The following TMEFF1 variants were observed in gnomAD, a reference collection of about 807,000 sequenced individuals.
TMEFF1 encodes transmembrane protein with EGF like and two follistatin like domains 1, also known as tomoregulin-1.
TMEFF1 carries 20 observed loss-of-function variants against 47.5 expected under a neutral mutation model. That is an observed-to-expected ratio of 0.42 (90% CI 0.30 to 0.61). The LOEUF (loss-of-function observed/expected upper bound fraction) is 0.61, where lower values mean the gene tolerates loss of function less well. Ranked by LOEUF, TMEFF1 falls within the 20% of genes least tolerant of loss-of-function variation. The pLI is 0.19. For synonymous variants in TMEFF1, 162 were observed against 166.3 expected (o/e 0.97, Z 0.20); for missense variants, 411 against 471.1 (o/e 0.87, Z 1.18).
At chr9:100,526,121 G>A (rs570673757) in intron 5 of TMEFF1, among the ~76,000 whole-genome samples, 1 of 152,184 alleles carries the variant, frequency 6.6e-6, no homozygotes, top group Non-Finnish European at 1.5e-5. Context: ...CGAGCTGTGA[G>A]ACAAATTTCC....
chr9:100,552,308 CAGTT>C (rs1247498481), intron 7 of TMEFF1, among the ~76,000 whole-genome samples: 1 of 152,122 alleles, frequency 6.6e-6, no homozygotes, highest in African/African-American at 2.4e-5. Flanking sequence ...GCAGGGATAT[CAGTT>C]AGGTAAAGTC....
chr9:100,531,169 A>G (rs1343324609), intron 5 of TMEFF1, among the ~76,000 whole-genome samples: 2 of 152,186 alleles, frequency 1.3e-5, no homozygotes, highest in Non-Finnish European at 1.5e-5. Flanking sequence ...CCCTTTGAAA[A>G]CGGGCACAAG....
At chr9:100,536,290 A>C (rs974157710) in intron 5 of TMEFF1, among the ~76,000 whole-genome samples, 4 of 152,214 alleles carry the variant, frequency 2.6e-5, no homozygotes, top group Non-Finnish European at 5.9e-5. Flanking sequence ...ATGTCTTGGA[A>C]GTTTTTATGC....
intron 5 of TMEFF1, among the ~76,000 whole-genome samples, chr9:100,530,418 C>T (rs2118446038): frequency 6.6e-6 from 1 of 152,202 alleles, no homozygotes; most frequent in South Asian, 2.1e-4. Flanking sequence ...CCACCGATCC[C>T]ACAGAAATAT....
intron 5 of TMEFF1, among the ~76,000 whole-genome samples, chr9:100,517,659 A>G (rs539606377): frequency 2.0e-5 from 3 of 152,330 alleles, no homozygotes; most frequent in South Asian, 2.1e-4. Flanking sequence ...AACTGGCAAA[A>G]GACAAGTAAG....
At chr9:100,492,800 C>T (rs1388357245) in intron 1 of TMEFF1, among the ~76,000 whole-genome samples, 1 of 152,090 alleles carries the variant, frequency 6.6e-6, no homozygotes, top group Non-Finnish European at 1.5e-5. Context: ...TTGCTTTGAC[C>T]TTGAAGAAGA....
intron 7 of TMEFF1, among the ~76,000 whole-genome samples, chr9:100,560,792 C>T (rs1393786600): frequency 1.3e-5 from 2 of 152,012 alleles, no homozygotes; most frequent in African/African-American, 4.8e-5. Context: ...CTTTTTTAAC[C>T]TCTGTATTAC....
At chr9:100,489,551 G>C (rs770138626) in intron 1 of TMEFF1, among the ~76,000 whole-genome samples, 24 of 152,240 alleles carry the variant, frequency 1.6e-4, no homozygotes, top group African/African-American at 5.5e-4. Flanking sequence ...GATTTTAAAA[G>C]TAATACAAGT....
intron 1 of TMEFF1, among the ~76,000 whole-genome samples, chr9:100,496,024 G>A (rs1482323805): frequency 6.6e-6 from 1 of 152,252 alleles, no homozygotes; most frequent in East Asian, 1.9e-4. Context: ...TTCAGGGACT[G>A]TTGATGTGTC....
chr9:100,474,508 A>G (rs1193984428), intron 1 of TMEFF1, among the ~76,000 whole-genome samples: 1 of 151,950 alleles, frequency 6.6e-6, no homozygotes, highest in African/African-American at 2.4e-5. Context: ...TATGCATTGA[A>G]GAGGAGGGAT....
chr9:100,530,718 C>G (rs1838360424), intron 5 of TMEFF1, among the ~76,000 whole-genome samples: 1 of 152,166 alleles, frequency 6.6e-6, no homozygotes, highest in African/African-American at 2.4e-5. Flanking sequence ...AAGAGGGAAC[C>G]CTTCCTAACT....
At chr9:100,545,279 A>G (rs1838711101) in intron 5 of TMEFF1, among the ~76,000 whole-genome samples, 1 of 152,086 alleles carries the variant, frequency 6.6e-6, no homozygotes, top group Admixed American at 6.5e-5. Context: ...AGGCATTTCC[A>G]TACATCCTCT....
intron 3 of TMEFF1, 89 bp downstream of exon 3, chr9:100,509,223 A>G: frequency 1.4e-6 from 2 of 1,384,488 alleles, no homozygotes; most frequent in African/African-American, 1.5e-5. Flanking sequence ...ATATTTCCAC[A>G]ACTGCTGTGT....
At chr9:100,569,409 ATTAG>A (rs958192796) in intron 8 of TMEFF1, among the ~76,000 whole-genome samples, 8 of 152,096 alleles carry the variant, frequency 5.3e-5, no homozygotes, top group African/African-American at 1.7e-4. Context: ...ATTGAGTTGT[ATTAG>A]TTATTTATAT....
At chr9:100,534,976 C>T (rs1838475071) in intron 5 of TMEFF1, among the ~76,000 whole-genome samples, 1 of 152,148 alleles carries the variant, frequency 6.6e-6, no homozygotes, top group Non-Finnish European at 1.5e-5. Flanking sequence ...GTAAATATAT[C>T]AGGCTTAGCA....
chr9:100,555,859 A>G (rs1018259610), intron 7 of TMEFF1, among the ~76,000 whole-genome samples: 9 of 152,288 alleles, frequency 5.9e-5, no homozygotes, highest in East Asian at 3.9e-4. Flanking sequence ...GCTTTCACAT[A>G]TTTATGTTAT....
At chr9:100,525,817 A>G (rs1177336003) in intron 5 of TMEFF1, among the ~76,000 whole-genome samples, 1 of 152,168 alleles carries the variant, frequency 6.6e-6, no homozygotes, top group Non-Finnish European at 1.5e-5. Flanking sequence ...ATCACTCAAG[A>G]TATGTCAAGG....
chr9:100,537,667 A>T (rs1838544644), intron 5 of TMEFF1, among the ~76,000 whole-genome samples: 2 of 152,240 alleles, frequency 1.3e-5, no homozygotes, highest in African/African-American at 4.8e-5. Context: ...CCTTTTCAGC[A>T]TGGCATTCTT....
intron 1 of TMEFF1, among the ~76,000 whole-genome samples, chr9:100,490,052 G>A (rs934510294): frequency 6.6e-6 from 1 of 151,902 alleles, no homozygotes; most frequent in Admixed American, 6.6e-5. Flanking sequence ...TGCAGGAGTG[G>A]GGGTGGAGGA....
Sources: allele counts gnomAD v4.1 joint callset (sites outside exome capture counted in the v4.1 genomes callset), GRCh38; gene constraint gnomAD v4.1.1; transcripts MANE v1.5; gene names NCBI Gene and HGNC (gene_info 2026-07-23, HGNC 2026-07-21).